The following RBFOX1 variants were observed in gnomAD, a reference collection of about 807,000 sequenced individuals.
RBFOX1 encodes RNA binding fox-1 homolog 1.
In RBFOX1, 8 loss-of-function variants were observed where a neutral mutation model predicts 57.7. The observed-to-expected ratio is 0.14, with a 90% CI of 0.08 to 0.25. The LOEUF is 0.25. Among genes scored for constraint, RBFOX1 ranks in the 10% least tolerant of loss-of-function variants. The pLI is 1.00. For synonymous variants in RBFOX1, 326 were observed against 222.4 expected (o/e 1.47, Z -4.15); for missense variants, 611 against 548.5 (o/e 1.11, Z -1.14).
chr16:6,628,289 G>C (rs905816647), intron 2 of RBFOX1, among the ~76,000 whole-genome samples: 3 of 152,142 alleles, frequency 2.0e-5, no homozygotes. Flanking sequence ...CTGCTTTCCC[G>C]TTAACGGTTC....
chr16:5,428,507 A>G (rs908325420), intron 1 of RBFOX1, among the ~76,000 whole-genome samples: 2 of 152,168 alleles, frequency 1.3e-5, no homozygotes, highest in African/African-American at 2.4e-5. Flanking sequence ...AGCACAGAAA[A>G]ACAAGTCATC....
chr16:7,035,901 T>C (rs886357896), intron 3 of RBFOX1, among the ~76,000 whole-genome samples: 1 of 150,330 alleles, frequency 6.7e-6, no homozygotes, highest in Non-Finnish European at 1.5e-5. Flanking sequence ...CACACACACA[T>C]ATACAGAGCA....
At chr16:5,593,289 A>C (rs1298049948) in intron 2 of RBFOX1, among the ~76,000 whole-genome samples, 1 of 151,990 alleles carries the variant, frequency 6.6e-6, no homozygotes. Flanking sequence ...GGAGTTGAAC[A>C]ATAAGAACAC....
intron 4 of RBFOX1, among the ~76,000 whole-genome samples, chr16:7,354,713 C>T (rs768586503): frequency 2.0e-5 from 3 of 152,296 alleles, no homozygotes; most frequent in South Asian, 2.1e-4. Flanking sequence ...TGCGATATGA[C>T]GGCCACTAGT....
At chr16:6,138,600 G>A (rs1293421377) in intron 1 of RBFOX1, among the ~76,000 whole-genome samples, 1 of 152,140 alleles carries the variant, frequency 6.6e-6, no homozygotes, top group Non-Finnish European at 1.5e-5. Context: ...CACCATGGTG[G>A]CTCACACCTG....
At chr16:7,476,384 T>A (rs2062708316) in intron 4 of RBFOX1, among the ~76,000 whole-genome samples, 1 of 152,240 alleles carries the variant, frequency 6.6e-6, no homozygotes, top group South Asian at 2.1e-4. Context: ...ACGTGAAGAT[T>A]TAATGAGATG....
At chr16:6,990,858 T>G (rs1300590995) in intron 3 of RBFOX1, among the ~76,000 whole-genome samples, 1 of 152,030 alleles carries the variant, frequency 6.6e-6, no homozygotes, top group Non-Finnish European at 1.5e-5. Flanking sequence ...CTATGTCTAG[T>G]TGCTAATTTT....
At chr16:6,587,545 T>C (rs1018479757) in intron 2 of RBFOX1, among the ~76,000 whole-genome samples, 1 of 152,094 alleles carries the variant, frequency 6.6e-6, no homozygotes, top group Non-Finnish European at 1.5e-5. Context: ...GCCTCTGAAA[T>C]TGCTGGGATT....
At chr16:7,642,093 G>A (rs538801529) in intron 11 of RBFOX1, among the ~76,000 whole-genome samples, 1 of 152,220 alleles carries the variant, frequency 6.6e-6, no homozygotes, top group South Asian at 2.1e-4. Context: ...CTAGCCTGGG[G>A]GAGACCCTGT....
At position 6,980,280 on chromosome 16, in the gene RBFOX1, C is replaced by T. The variant is rs961644753; in HGVS notation, c.-15-71777C>T. 5.9e-5 allele frequency among the ~76,000 whole-genome samples: 9 copies of T among 152,222 alleles called. No homozygotes were observed. The South Asian group carries it at 6.2e-4, about 11-fold the overall frequency. ...GTGCTGTGTCAGGTGTGAGTGTGTG[C>T]GTTTATGATATGAACAATAGTTCTT... On this transcript the variant is annotated intron_variant, in intron 3 of 15. Coordinates refer to ENST00000550418, the MANE Select transcript of RBFOX1 (RefSeq NM_018723.4).
At chr16:5,664,897 C>T (rs1386121470) in intron 3 of RBFOX1, among the ~76,000 whole-genome samples, 2 of 151,944 alleles carry the variant, frequency 1.3e-5, no homozygotes, top group Non-Finnish European at 2.9e-5. Context: ...TGGCCTCCTG[C>T]CCACCTCCAT....
At chr16:6,130,986 A>T (rs78717097) in intron 1 of RBFOX1, among the ~76,000 whole-genome samples, 6,409 of 152,282 alleles carry the variant, frequency 0.042, 252 homozygotes, top group East Asian at 0.2. Flanking sequence ...CCAGATCAGC[A>T]GTGATGTATG....
At position 7,695,649 on chromosome 16, in the gene RBFOX1, CAA is replaced by C. The variant is rs34363093; in HGVS notation, c.996-13385_996-13384del. Among the ~76,000 whole-genome samples the C allele has an allele frequency of 5.9e-3, 577 of 98,342 alleles. 2 individuals carry two copies. The highest frequency in any genetic ancestry group is 0.016 in the African/African-American group (382 of 24,340). 64.5% of individuals were successfully genotyped at this position (98,342 alleles called of 152,430 possible). On this transcript the variant is annotated intron_variant, in intron 14 of 15. Transcript: ENST00000550418. ...CCTGGACGACAGAGCAAGCCTCCAT[CAA>C]AAAAAAAAAAAAAAAAAAAAATCCT... is the stretch of plus-strand genomic sequence containing the variant.
chr16:5,255,582 A>G (rs1029186896), intron 1 of RBFOX1, among the ~76,000 whole-genome samples: 2 of 151,208 alleles, frequency 1.3e-5, no homozygotes, highest in African/African-American at 4.9e-5. Context: ...CCATTTATCT[A>G]TCCCTCCACC....
rs151055882 is a variant in RBFOX1, at chr16:5,582,431, A to G, written c.259-16471A>G. ...CCGGGTATTGTGGAACTGAGGTGCAAGTACAGTGCCCCTGTTAACGATGAG... is the reference window on the plus strand; with the variant it reads ...CCGGGTATTGTGGAACTGAGGTGCAGGTACAGTGCCCCTGTTAACGATGAG... On this transcript the variant is annotated intron_variant, in intron 2 of 2. Coordinates refer to the RBFOX1 transcript ENST00000585867. 3.9e-5 allele frequency among the ~76,000 whole-genome samples: 6 copies of G among 152,276 alleles called. 1 individual carries two copies. Among genetic ancestry groups the G allele is most frequent in the African/African-American group, 1.4e-4 (6 of 41,554 alleles).
chr16:7,057,672 A>G (rs955444710), intron 4 of RBFOX1, among the ~76,000 whole-genome samples: 6 of 152,146 alleles, frequency 3.9e-5, no homozygotes, highest in African/African-American at 1.4e-4. Flanking sequence ...TTGAGGGAAG[A>G]CTTCATTACT....
chr16:7,570,148 G>A (rs567498929), intron 5 of RBFOX1, among the ~76,000 whole-genome samples: 11 of 140,830 alleles, frequency 7.8e-5, no homozygotes, highest in African/African-American at 2.7e-4. Flanking sequence ...TAAAATGAAC[G>A]TTCTTAAAAT....
chr16:5,668,289 C>A (rs1212655982), intron 3 of RBFOX1, among the ~76,000 whole-genome samples: 1 of 152,004 alleles, frequency 6.6e-6, no homozygotes, highest in Non-Finnish European at 1.5e-5. Flanking sequence ...TCAAAAACAA[C>A]AAAAACACCA....
At chr16:6,735,866 C>G (rs1447719290) in intron 3 of RBFOX1, among the ~76,000 whole-genome samples, 1 of 152,092 alleles carries the variant, frequency 6.6e-6, no homozygotes. Flanking sequence ...ACAGGCCCTC[C>G]TTCTGAGACC....
Sources: allele counts gnomAD v4.1 joint callset (sites outside exome capture counted in the v4.1 genomes callset), GRCh38; gene constraint gnomAD v4.1.1; transcripts MANE v1.5; gene names NCBI Gene and HGNC (gene_info 2026-07-23, HGNC 2026-07-21).